The following GALNT11 variants were observed in gnomAD, a reference collection of about 807,000 sequenced individuals.
GALNT11 encodes polypeptide N-acetylgalactosaminyltransferase 11.
GALNT11 carries 47 observed loss-of-function variants against 72.7 expected under a neutral mutation model. The ratio of observed to expected loss-of-function variants is 0.65; its 90% CI spans 0.51 to 0.82. The LOEUF (loss-of-function observed/expected upper bound fraction) is 0.82. GALNT11 is among the 40% of genes least tolerant of loss of function. The pLI, the probability that GALNT11 is intolerant of heterozygous loss-of-function variation, is 0.00. For missense variants in GALNT11, 677 were observed against 778.4 expected (o/e 0.87, Z 1.55); for synonymous variants, 270 against 286.6 (o/e 0.94, Z 0.58).
intron 1 of GALNT11, among the ~76,000 whole-genome samples, chr7:152,036,360 G>A (rs1326919738): frequency 6.6e-6 from 1 of 152,066 alleles, no homozygotes; most frequent in African/African-American, 2.4e-5. Flanking sequence ...TGTGTACCTG[G>A]CTTATTTTAC....
chr7:152,087,172 G>C (rs1454196208), intron 1 of GALNT11, among the ~76,000 whole-genome samples: 1 of 152,166 alleles, frequency 6.6e-6, no homozygotes, highest in African/African-American at 2.4e-5. Context: ...TAAACTCAGG[G>C]AATAAGTAAT....
At chr7:152,087,069 A>C (rs571683075) in intron 1 of GALNT11, among the ~76,000 whole-genome samples, 1 of 152,212 alleles carries the variant, frequency 6.6e-6, no homozygotes, top group Non-Finnish European at 1.5e-5. Context: ...TTGTTGCTAT[A>C]TTCTACGCAT....
intron 7 of GALNT11, among the ~76,000 whole-genome samples, chr7:152,111,518 A>G (rs2088190422): frequency 6.6e-6 from 1 of 151,950 alleles, no homozygotes; most frequent in African/African-American, 2.4e-5. Context: ...CTTTTAGTGC[A>G]CTCATCACCA....
chr7:152,100,987 G>A, intron 3 of GALNT11, 66 bp downstream of exon 3: 1 of 1,581,476 alleles, frequency 6.3e-7, no homozygotes, highest in Non-Finnish European at 8.6e-7. Context: ...CAGTGTAAGA[G>A]GTCACGAGGA....
At chr7:152,102,252 G>A (rs1430061719) in intron 3 of GALNT11, among the ~76,000 whole-genome samples, 1 of 152,070 alleles carries the variant, frequency 6.6e-6, no homozygotes, top group African/African-American at 2.4e-5. Context: ...AGTTTAAAAA[G>A]TCTTTATTCG....
At chr7:152,026,143 G>T (rs1173369667) in intron 1 of GALNT11, among the ~76,000 whole-genome samples, 1 of 152,184 alleles carries the variant, frequency 6.6e-6, no homozygotes, top group South Asian at 2.1e-4. Flanking sequence ...CCTCGTTTTC[G>T]CGTATTTAGG....
At chr7:152,075,630 A>G (rs2084913120) in intron 1 of GALNT11, among the ~76,000 whole-genome samples, 1 of 152,072 alleles carries the variant, frequency 6.6e-6, no homozygotes, top group Non-Finnish European at 1.5e-5. Flanking sequence ...AACATGGAGA[A>G]ACTCCGTCTA....
At chr7:152,100,981 G>T in intron 3 of GALNT11, 60 bp downstream of exon 3, 1 of 1,590,790 alleles carries the variant, frequency 6.3e-7, no homozygotes, top group Non-Finnish European at 8.6e-7. Flanking sequence ...TAGTGTCAGT[G>T]TAAGAGGTCA....
At chr7:152,088,217 TA>T (rs1419121949) in intron 1 of GALNT11, among the ~76,000 whole-genome samples, 2 of 152,246 alleles carry the variant, frequency 1.3e-5, no homozygotes, top group Non-Finnish European at 2.9e-5. Context: ...CTTTGTCTTT[TA>T]TTTTTAAAGA....
At chr7:152,033,158 C>A (rs912337465) in intron 1 of GALNT11, among the ~76,000 whole-genome samples, 1 of 152,182 alleles carries the variant, frequency 6.6e-6, no homozygotes, top group Non-Finnish European at 1.5e-5. Flanking sequence ...ACCCAGAGAA[C>A]CTTTGTCCTC....
intron 1 of GALNT11, among the ~76,000 whole-genome samples, chr7:152,080,814 C>G (rs1293974837): frequency 6.6e-6 from 1 of 151,252 alleles, no homozygotes; most frequent in Non-Finnish European, 1.5e-5. Context: ...AAAAAAAACA[C>G]AAAATATTAG....
rs182716619 is a variant in GALNT11 at position 152,059,013 on chromosome 7, C to T, written c.-39+33129C>T. The stretch of plus-strand genomic sequence containing the variant: ...TTGGAACCAACTTCTTCTAAACTCC[C>T]GTTAATATTGACATTTTGTAGTTCT... On this transcript the variant is annotated intron_variant, in intron 1 of 11. Coordinates refer to ENST00000430044, the MANE Select transcript of GALNT11 (RefSeq NM_022087.4). 5.3e-5 allele frequency among the ~76,000 whole-genome samples: 8 copies of T among 152,224 alleles called. No individual in the cohort carries two copies. The East Asian group carries it at 7.7e-4, about 15-fold the overall frequency.
intron 1 of GALNT11, among the ~76,000 whole-genome samples, chr7:152,037,740 T>C (rs1191333611): frequency 6.6e-6 from 1 of 152,094 alleles, no homozygotes; most frequent in Non-Finnish European, 1.5e-5. Flanking sequence ...ATGTGGAACA[T>C]CTTTCTTTTT....
chr7:152,113,379 T>G lies in GALNT11; in HGVS notation c.1214T>G (p.Val405Gly). 3.1e-6 allele frequency: 5 copies of G among 1,613,828 alleles called. No individual in the cohort carries two copies. Among genetic ancestry groups the G allele is most frequent in the Non-Finnish European group, 4.2e-6 (5 of 1,179,934 alleles). The change falls in exon 8 of 12, where the codon GTC becomes GGC. Residue 405 changes from valine (V) to glycine (G), a missense_variant. Val to Gly is a moderately radical substitution (Grantham distance 109). Coordinates refer to ENST00000430044, the MANE Select transcript of GALNT11 (RefSeq NM_022087.4). ...MTHNSLRLAH[V>G]WLDEYKEQYF... is the part of the protein sequence containing the mutation. The stretch of plus-strand genomic sequence containing the variant: ...CACAACTCTTTGCGGCTGGCACATG[T>G]CTGGTTGGATGAATACAAGGTGAGA...
chr7:152,071,234 A>G (rs1270710776), intron 1 of GALNT11, among the ~76,000 whole-genome samples: 1 of 152,152 alleles, frequency 6.6e-6, no homozygotes. Context: ...GCTATGGGAG[A>G]CTGGGGTCTA....
chr7:152,056,028 A>G (rs1027742314), intron 1 of GALNT11, among the ~76,000 whole-genome samples: 3 of 151,474 alleles, frequency 2.0e-5, no homozygotes, highest in Admixed American at 6.6e-5. Flanking sequence ...GGCAATCACT[A>G]ATTTGTTCTC....
At chr7:152,076,477 A>G (rs2084987887) in intron 1 of GALNT11, among the ~76,000 whole-genome samples, 1 of 152,236 alleles carries the variant, frequency 6.6e-6, no homozygotes, top group African/African-American at 2.4e-5. Context: ...CCCGCTGTGG[A>G]CAAATGAAGC....
intron 1 of GALNT11, among the ~76,000 whole-genome samples, chr7:152,028,243 C>G (rs2151974829): frequency 6.6e-6 from 1 of 152,318 alleles, no homozygotes; most frequent in Admixed American, 6.5e-5. Flanking sequence ...CTGATTGGTC[C>G]ATTTTACAGA....
chr7:152,117,629 G>T, intron 9 of GALNT11: 1 of 520,416 alleles, frequency 1.9e-6, no homozygotes, highest in Non-Finnish European at 3.4e-6. Flanking sequence ...AGAGCGCAGA[G>T]GCATATGGGA....
Sources: allele counts gnomAD v4.1 joint callset (sites outside exome capture counted in the v4.1 genomes callset), GRCh38; gene constraint gnomAD v4.1.1; transcripts MANE v1.5; gene names NCBI Gene and HGNC (gene_info 2026-07-23, HGNC 2026-07-21).